Variants in GAREM1 observed in about 807,000 individuals in gnomAD.
GAREM1 encodes GRB2 associated regulator of MAPK1 subtype 1, also known as GRB2-associated and regulator of MAPK protein 1.
In GAREM1, 26 loss-of-function variants were observed where a neutral mutation model predicts 71.3. The ratio of observed to expected loss-of-function variants is 0.36; its 90% confidence interval spans 0.27 to 0.51. The LOEUF is 0.51. Ranked by LOEUF, GAREM1 falls within the 20% of genes least tolerant of loss-of-function variation. GAREM1 has a pLI of 0.95. For missense variants in GAREM1, 1,026 were observed against 1,103.1 expected (o/e 0.93, Z 0.99); for synonymous variants, 440 against 433.2 (o/e 1.02, Z -0.20).
intron 1 of GAREM1, among the ~76,000 whole-genome samples, chr18:32,396,029 C>T (rs1179609058): frequency 1.3e-5 from 2 of 152,236 alleles, no homozygotes; most frequent in Non-Finnish European, 2.9e-5. Context: ...CTGCAGCCTC[C>T]ACTGCTGATA....
chr18:32,434,378 A>C (rs1735431443), intron 1 of GAREM1, among the ~76,000 whole-genome samples: 1 of 152,156 alleles, frequency 6.6e-6, no homozygotes, highest in Non-Finnish European at 1.5e-5. Context: ...AGTTGTAATA[A>C]GCACAAGTAC....
At chr18:32,398,294 A>G (rs2048277857) in intron 1 of GAREM1, among the ~76,000 whole-genome samples, 1 of 152,206 alleles carries the variant, frequency 6.6e-6, no homozygotes, top group Admixed American at 6.5e-5. Context: ...AGCTAGCAGA[A>G]GGCAAGAAAT....
chr18:32,368,128 C>T (rs1326295840), intron 2 of GAREM1, among the ~76,000 whole-genome samples: 1 of 151,888 alleles, frequency 6.6e-6, no homozygotes, highest in African/African-American at 2.4e-5. Flanking sequence ...CCAAGAAGCC[C>T]TGGCAGCTTT....
chr18:32,410,785 C>T (rs551525244), intron 1 of GAREM1, among the ~76,000 whole-genome samples: 94 of 152,246 alleles, frequency 6.2e-4, no homozygotes, highest in African/African-American at 2.3e-3. Context: ...AGTCTCTCAA[C>T]AAATACGACT....
intron 1 of GAREM1, among the ~76,000 whole-genome samples, chr18:32,460,838 G>C (rs2048948760): frequency 6.6e-6 from 1 of 152,106 alleles, no homozygotes; most frequent in Admixed American, 6.5e-5. Context: ...GTCATATGAA[G>C]AGCATGATAA....
At chr18:32,446,773 C>T (rs2048789732) in intron 1 of GAREM1, among the ~76,000 whole-genome samples, 1 of 152,148 alleles carries the variant, frequency 6.6e-6, no homozygotes, top group South Asian at 2.1e-4. Flanking sequence ...TCCATCAACA[C>T]TTTTTCTCAA....
At chr18:32,270,491 G>C (rs1485432079) in intron 4 of GAREM1, 108 bp from the exon 5 acceptor site, 1 of 891,768 alleles carries the variant, frequency 1.1e-6, no homozygotes, top group African/African-American at 1.7e-5. Context: ...CGTAACAGCA[G>C]GGTGTAAGCA....
intron 2 of GAREM1, among the ~76,000 whole-genome samples, chr18:32,384,508 A>G (rs1469178924): frequency 2.0e-5 from 3 of 152,186 alleles, no homozygotes; most frequent in Non-Finnish European, 4.4e-5. Flanking sequence ...AAATTCGGGT[A>G]ATGAACACCC....
chr18:32,462,325 C>T (rs1367965009), intron 1 of GAREM1, among the ~76,000 whole-genome samples: 1 of 152,170 alleles, frequency 6.6e-6, no homozygotes, highest in Non-Finnish European at 1.5e-5. Context: ...AGAGTAACAT[C>T]GATCTCACTG....
At position 32,433,233 on chromosome 18, in the gene GAREM1, T is replaced by C. The variant is rs189196918; in HGVS notation, c.121+37075A>G. ...CACACAACTCAACATACCTTTATGA[T>C]TAAAAAACACAAAAAAACTTTAACA... On this transcript the variant is annotated intron_variant, in intron 1 of 5. Transcript: ENST00000269209. 1.6e-3 allele frequency among the ~76,000 whole-genome samples: 246 copies of C among 150,766 alleles called. 1 individual carries two copies. The highest frequency in any genetic ancestry group is 3.5e-3 in the Middle Eastern group (1 of 286).
intron 3 of GAREM1, among the ~76,000 whole-genome samples, chr18:32,297,982 G>A (rs1461303038): frequency 2.0e-5 from 3 of 152,256 alleles, no homozygotes; most frequent in Middle Eastern, 6.8e-3. Flanking sequence ...GTGAAGTACT[G>A]CACAGGAAAT....
chr18:32,357,312 A>T lies in GAREM1; in HGVS notation c.262+35583T>A, dbSNP rs76282228. On this transcript the variant is annotated intron_variant, in intron 2 of 5. Coordinates refer to ENST00000269209, the MANE Select transcript of GAREM1 (RefSeq NM_001242409.2). The stretch of plus-strand genomic sequence containing the variant: ...GGCAACACAGCGAGACCCTGTCTCA[A>T]TTAAAAATAAATAAATTTTTTAAAA... Among the ~76,000 whole-genome samples, 997 of 152,350 alleles carry T rather than the reference A, an allele frequency of 6.5e-3. 10 individuals are homozygous for T. Among genetic ancestry groups the T allele is most frequent in the Non-Finnish European group, 0.01 (698 of 68,028 alleles).
intron 1 of GAREM1, among the ~76,000 whole-genome samples, chr18:32,428,348 T>C (rs560249677): frequency 3.3e-5 from 5 of 152,260 alleles, no homozygotes; most frequent in South Asian, 2.1e-4. Flanking sequence ...CAGTCTCACA[T>C]TGAATTGTGA....
At chr18:32,466,173 C>CT (rs71384940) in intron 1 of GAREM1, among the ~76,000 whole-genome samples, 1,765 of 149,260 alleles carry the variant, frequency 0.012, 28 homozygotes, top group African/African-American at 0.04. Flanking sequence ...AATCTATATA[C>CT]TTTTTTTTTT....
intron 2 of GAREM1, among the ~76,000 whole-genome samples, chr18:32,378,700 G>T (rs1049530800): frequency 1.3e-5 from 2 of 152,058 alleles, no homozygotes; most frequent in African/African-American, 2.4e-5. Flanking sequence ...GAGGGTTAAA[G>T]GTAAAGGAAA....
intron 1 of GAREM1, among the ~76,000 whole-genome samples, chr18:32,431,644 A>T (rs898322348): frequency 2.6e-5 from 4 of 152,194 alleles, no homozygotes; most frequent in Non-Finnish European, 5.9e-5. Context: ...AAACAAATAA[A>T]TAAAGGAATA....
intron 2 of GAREM1, among the ~76,000 whole-genome samples, chr18:32,316,717 G>A (rs2047381025): frequency 6.6e-6 from 1 of 152,064 alleles, no homozygotes. Flanking sequence ...AAGTGTGCTG[G>A]GATTACAGGT....
chr18:32,281,960 C>T (rs2046956300), intron 4 of GAREM1, among the ~76,000 whole-genome samples: 3 of 152,312 alleles, frequency 2.0e-5, no homozygotes, highest in South Asian at 4.1e-4. Flanking sequence ...GATGACATTA[C>T]CTTGTGAAAG....
At chr18:32,321,132 TAA>T (rs1035702513) in intron 2 of GAREM1, among the ~76,000 whole-genome samples, 1 of 152,232 alleles carries the variant, frequency 6.6e-6, no homozygotes, top group African/African-American at 2.4e-5. Flanking sequence ...CTCAAGAACC[TAA>T]GTGTTCCATA....
Sources: allele counts gnomAD v4.1 joint callset (sites outside exome capture counted in the v4.1 genomes callset), GRCh38; gene constraint gnomAD v4.1.1; transcripts MANE v1.5; gene names NCBI Gene and HGNC (gene_info 2026-07-23, HGNC 2026-07-21).